Variants in JRK observed in about 807,000 individuals in gnomAD.
The protein encoded by JRK is jerky protein homolog.
For synonymous variants in JRK, 303 were observed against 218.1 expected (o/e 1.39, Z -3.43); for missense variants, 720 against 509.2 (o/e 1.41, Z -3.98).
In JRK at chr8:142,669,948, AGCC is replaced by A. The variant is rs1847276948; in HGVS notation, c.-482_-480del. 6.5e-6 allele frequency: 1 copy of A among 153,618 alleles called. No homozygotes were observed. The highest frequency in any genetic ancestry group is 1.9e-4 in the East Asian group (1 of 5,204). The allele number at this position is 153,618 out of a possible 1,614,324, so 9.5% of individuals were successfully genotyped here. A position where few individuals can be genotyped will look rare whatever the true frequency, so the allele number is the denominator to read the frequency against. ...CCTACTCACCCTGCTCACCCGGAGC[AGCC>A]GCCGCCGGCCGGAAGTGCCGGCCAC... is the stretch of plus-strand genomic sequence containing the variant. On this transcript the variant is annotated 5_prime_UTR_variant, in exon 1 of 2. Coordinates refer to ENST00000612905, the MANE Select transcript of JRK (RefSeq NM_003724.4).
intron 1 of JRK, among the ~76,000 whole-genome samples, chr8:142,668,119 G>A (rs1212918587): frequency 6.6e-6 from 1 of 152,240 alleles, no homozygotes; most frequent in East Asian, 1.9e-4. Context: ...AGCAGTACTT[G>A]AGGATGGACT....
At chr8:142,649,219 G>A in the JRK span, among the ~76,000 whole-genome samples, 7 of 152,278 alleles carry the variant, frequency 4.6e-5, no homozygotes, top group South Asian at 2.1e-4. Context: ...TTAAGACTGC[G>A]GGAGACTGTT....
Position 142,664,985 on chromosome 8 carries a change from G to C in JRK, c.1074C>G (p.Asn358Lys). ...CCACGCTGAATATGGCATCGTTCAT[G>C]TTGTAGCGGGCGTGGGGGCCCTGCA... Reference protein sequence around the residue: ...VPLQGPHARYNMNDAIFSVAC... With the variant: ...VPLQGPHARYKMNDAIFSVAC... The change falls in exon 2 of 2, where the codon AAC becomes AAG. Residue 358 changes from asparagine to lysine, a missense_variant. Physicochemically the swap from Asn to Lys is moderately conservative, Grantham distance 94 (BLOSUM62 0). Coordinates refer to ENST00000612905, the MANE Select transcript of JRK (RefSeq NM_003724.4). 1.4e-6 allele frequency: 1 copy of C among 731,012 alleles called. No homozygotes were observed. The highest frequency in any genetic ancestry group is 2.5e-6 in the Non-Finnish European group (1 of 394,940). The allele number at this position is 731,012 out of a possible 1,614,324, so 45.3% of individuals were successfully genotyped here. A position where few individuals can be genotyped will look rare whatever the true frequency, so the allele number is the denominator to read the frequency against.
At position 142,660,711 on chromosome 8, in the gene JRK, G is replaced by C; in HGVS notation, c.*3641C>G. The C allele has an allele frequency of 1.0e-6, 1 of 985,514 alleles. No homozygotes were observed. The highest frequency in any genetic ancestry group is 1.2e-6 in the Non-Finnish European group (1 of 829,964). The allele number at this position is 985,514 out of a possible 1,614,324, so 61.0% of individuals were successfully genotyped here. A position where few individuals can be genotyped will look rare whatever the true frequency, so the allele number is the denominator to read the frequency against. On this transcript the variant is annotated 3_prime_UTR_variant, in exon 2 of 2. Transcript: ENST00000612905. ...GCCACCACACCCGGATCCCCAATAA[G>C]CACATTTATGTGGGGCGTGAGGTGA...
chr8:142,664,247 T>C lies in JRK; in HGVS notation c.*105A>G, dbSNP rs1342351573. 1.7e-5 allele frequency: 25 copies of C among 1,435,630 alleles called. No homozygotes were observed. The highest frequency in any genetic ancestry group is 1.4e-4 in the Admixed American group (5 of 34,520). The allele number at this position is 1,435,630 out of a possible 1,614,324, so 88.9% of individuals were successfully genotyped here. A position where few individuals can be genotyped will look rare whatever the true frequency, so the allele number is the denominator to read the frequency against. ...CCACTCCTGGAAGGGCTCTTGAGTG[T>C]CTGCACATGCCCTCCTGCCTCAGGT... On this transcript the variant is annotated 3_prime_UTR_variant, in exon 2 of 2. Coordinates refer to ENST00000612905, the MANE Select transcript of JRK (RefSeq NM_003724.4).
chr8:142,665,033 G>A lies in JRK; in HGVS notation c.1026C>T (p.Asn342=), dbSNP rs1554635487. 1 of 715,758 alleles carries A rather than the reference G, an allele frequency of 1.4e-6. No individual in the cohort carries two copies. Among genetic ancestry groups the A allele is most frequent in the Non-Finnish European group, 2.6e-6 (1 of 383,560 alleles). 44.3% of individuals were successfully genotyped at this position (715,758 alleles called of 1,614,324 possible). A position where few individuals can be genotyped will look rare whatever the true frequency, so the allele number is the denominator to read the frequency against. The change falls in exon 2 of 2, where the codon AAC becomes AAT. Residue 342 remains asparagine (N), a synonymous_variant. Coordinates refer to ENST00000612905, the MANE Select transcript of JRK (RefSeq NM_003724.4). ...GCAGGGGGACCGGAGGGTTAATGAA[G>A]TTCCTCATGAAATCTCTCCGAATGC... The part of the protein sequence containing the change: ...EQGIRRDFMR[N]FINPPVPLQG...
In JRK at chr8:142,662,584, T is replaced by C; in HGVS notation, c.*1768A>G. ...TCAGCACCGAGATCTTTAAAAACTA[T>C]TTGGCTTTTATAATCTTCACACATG... On this transcript the variant is annotated 3_prime_UTR_variant, in exon 2 of 2. Coordinates refer to ENST00000612905, the MANE Select transcript of JRK (RefSeq NM_003724.4). 2.0e-6 allele frequency: 2 copies of C among 985,456 alleles called. No homozygotes were observed. Among genetic ancestry groups the C allele is most frequent in the Non-Finnish European group, 2.4e-6 (2 of 829,938 alleles). The allele number at this position is 985,456 out of a possible 1,614,324, so 61.0% of individuals were successfully genotyped here.
chr8:142,644,467 C>T, the JRK span, among the ~76,000 whole-genome samples: 1 of 152,178 alleles, frequency 6.6e-6, no homozygotes, highest in Non-Finnish European at 1.5e-5. Flanking sequence ...AACACCATTT[C>T]ATATTTGACA....
Position 142,660,109 on chromosome 8 carries a change from G to A in JRK, c.*4243C>T. The A allele has an allele frequency of 1.0e-6, 1 of 985,598 alleles. No homozygotes were observed. The highest frequency in any genetic ancestry group is 1.2e-6 in the Non-Finnish European group (1 of 830,028). 61.1% of individuals were successfully genotyped at this position (985,598 alleles called of 1,614,324 possible). On this transcript the variant is annotated 3_prime_UTR_variant, in exon 2 of 2. Coordinates refer to ENST00000612905, the MANE Select transcript of JRK (RefSeq NM_003724.4). The stretch of plus-strand genomic sequence containing the variant: ...CAGGCCTGGGGTCTACAAGAGCTGG[G>A]CAGGGAAGAGGACAAACAAGGTCTC...
At position 142,664,185 on chromosome 8, in the gene JRK, G is replaced by T; in HGVS notation, c.*167C>A. The T allele has an allele frequency of 1.4e-6, 2 of 1,383,642 alleles. No individual in the cohort carries two copies. Among genetic ancestry groups the T allele is most frequent in the Non-Finnish European group, 1.9e-6 (2 of 1,068,356 alleles). 85.7% of individuals were successfully genotyped at this position (1,383,642 alleles called of 1,614,324 possible). A position where few individuals can be genotyped will look rare whatever the true frequency, so the allele number is the denominator to read the frequency against. ...TGTATTGACAGGAACCTCGGGCACA[G>T]ACCGTCCTGGGCACCCGAGCCACAC... On this transcript the variant is annotated 3_prime_UTR_variant, in exon 2 of 2. Coordinates refer to ENST00000612905, the MANE Select transcript of JRK (RefSeq NM_003724.4).
Position 142,659,523 on chromosome 8 carries a change from G to C in JRK, c.*4829C>G. 1 of 985,788 alleles carries C rather than the reference G, an allele frequency of 1.0e-6. No individual in the cohort carries two copies. Among genetic ancestry groups the C allele is most frequent in the South Asian group, 4.7e-5 (1 of 21,296 alleles). 61.1% of individuals were successfully genotyped at this position (985,788 alleles called of 1,614,324 possible). A position where few individuals can be genotyped will look rare whatever the true frequency, so the allele number is the denominator to read the frequency against. On this transcript the variant is annotated 3_prime_UTR_variant, in exon 2 of 2. Transcript: ENST00000612905. ...CGATAGGGCCCAGCCATGGCCAGTG[G>C]GCCTCCCACAATCTGCCCCTGGGTG...
chr8:142,650,512 A>T, the JRK span, among the ~76,000 whole-genome samples: 7 of 152,220 alleles, frequency 4.6e-5, no homozygotes, highest in Non-Finnish European at 1.0e-4. Flanking sequence ...TGAATCATAA[A>T]GTCAGTCTTT....
Position 142,664,291 on chromosome 8 carries a change from C to A in JRK, c.*61G>T. Reference sequence around the variant, plus strand: ...CTCAGGTGGGGTCGGGGCACAGGACCATGCCACTCCAGGGTGTGGGGAGAA... The same window carrying A: ...CTCAGGTGGGGTCGGGGCACAGGACAATGCCACTCCAGGGTGTGGGGAGAA... On this transcript the variant is annotated 3_prime_UTR_variant, in exon 2 of 2. Transcript: ENST00000612905. 1 of 1,493,178 alleles carries A rather than the reference C, an allele frequency of 6.7e-7. No individual in the cohort carries two copies. Among genetic ancestry groups the A allele is most frequent in the South Asian group, 1.4e-5 (1 of 72,432 alleles). 92.5% of individuals were successfully genotyped at this position (1,493,178 alleles called of 1,614,324 possible). A position where few individuals can be genotyped will look rare whatever the true frequency, so the allele number is the denominator to read the frequency against.
Position 142,665,463 on chromosome 8 carries a change from G to T in JRK, c.596C>A (p.Pro199His). ...AGGCACAGCCCCGCCTTCCGGAGTGGGATTTGGCAGGCACCGCCAGAAAAG... is the reference window on the plus strand; with the variant it reads ...AGGCACAGCCCCGCCTTCCGGAGTGTGATTTGGCAGGCACCGCCAGAAAAG... ...TGLFWRCLPN[P>H]TPEGGAVPGP... The change falls in exon 2 of 2, where the codon CCC becomes CAC. Residue 199 changes from proline (P) to histidine (H), a missense_variant. Coordinates refer to ENST00000612905, the MANE Select transcript of JRK (RefSeq NM_003724.4). The T allele has an allele frequency of 1.4e-6, 1 of 717,958 alleles. No homozygotes were observed. The allele number at this position is 717,958 out of a possible 1,614,324, so 44.5% of individuals were successfully genotyped here.
the JRK span, among the ~76,000 whole-genome samples, chr8:142,650,056 G>A: frequency 6.6e-6 from 1 of 152,284 alleles, no homozygotes; most frequent in African/African-American, 2.4e-5. Context: ...TGACCTGGAT[G>A]TGAAACATGG....
Position 142,658,649 on chromosome 8 carries a change from C to T in JRK, c.*5703G>A, listed in dbSNP as rs1274803215. The stretch of plus-strand genomic sequence containing the variant: ...CGATCTCACCTAAGCCTAGTCACCT[C>T]CCAAAGGCCCCACCTCCTAATACCA... On this transcript the variant is annotated 3_prime_UTR_variant, in exon 2 of 2. Transcript: ENST00000612905. 3.8e-6 allele frequency: 3 copies of T among 779,756 alleles called. No individual in the cohort carries two copies. Among genetic ancestry groups the T allele is most frequent in the African/African-American group, 3.5e-5 (2 of 56,428 alleles). 48.3% of individuals were successfully genotyped at this position (779,756 alleles called of 1,614,324 possible).
rs1184502749 is a variant in JRK at position 142,664,052 on chromosome 8, G to A, written c.*300C>T. The A allele has an allele frequency of 5.8e-6, 7 of 1,200,430 alleles. No individual in the cohort carries two copies. The highest frequency in any genetic ancestry group is 7.2e-6 in the Non-Finnish European group (7 of 966,226). 74.4% of individuals were successfully genotyped at this position (1,200,430 alleles called of 1,614,324 possible). A position where few individuals can be genotyped will look rare whatever the true frequency, so the allele number is the denominator to read the frequency against. ...ACACGAGACCAGATCGGCTCAGCCT[G>A]GCCCCCATTCCAGCCAGGGTGCGGC... On this transcript the variant is annotated 3_prime_UTR_variant, in exon 2 of 2. Transcript: ENST00000612905.
At chr8:142,667,129 T>C (rs1409086653) in intron 1 of JRK, among the ~76,000 whole-genome samples, 17 of 152,224 alleles carry the variant, frequency 1.1e-4, no homozygotes, top group Admixed American at 9.8e-4. Flanking sequence ...GAAGTTTCTC[T>C]AGAACAGCAG....
At position 142,662,401 on chromosome 8, in the gene JRK, A is replaced by G; in HGVS notation, c.*1951T>C. 1.0e-6 allele frequency: 1 copy of G among 985,430 alleles called. No individual in the cohort carries two copies. Among genetic ancestry groups the G allele is most frequent in the Non-Finnish European group, 1.2e-6 (1 of 829,948 alleles). 61.0% of individuals were successfully genotyped at this position (985,430 alleles called of 1,614,324 possible). On this transcript the variant is annotated 3_prime_UTR_variant, in exon 2 of 2. Transcript: ENST00000612905. ...TCCTGTGTTGCCTCAAGCAGCTGCA[A>G]TCCAGCAGTCTTGGTTAAGAGGCTC...
Sources: gnomAD v4.1 joint callset for allele counts (sites outside exome capture counted in the v4.1 genomes callset) on GRCh38, gnomAD v4.1.1 for gene constraint, MANE v1.5 for transcripts, NCBI Gene and HGNC (gene_info 2026-07-23, HGNC 2026-07-21) for gene names.